Variants in CHP1 observed in about 807,000 individuals in gnomAD.
CHP1 encodes the protein calcineurin like EF-hand protein 1.
In CHP1, 11 loss-of-function variants were observed where a neutral mutation model predicts 27.4. The observed-to-expected ratio is 0.40, with a 90% CI of 0.25 to 0.67. The LOEUF (loss-of-function observed/expected upper bound fraction) is 0.67. CHP1 is among the 30% of genes least tolerant of loss of function. The pLI is 0.38. For missense variants in CHP1, 169 were observed against 251.3 expected, an observed-to-expected ratio of 0.67 and a Z score of 2.22; for synonymous variants, 89 against 87.4, an observed-to-expected ratio of 1.02 and a Z score of -0.10.
At chr15:41,270,000 A>G (rs1418461209) in intron 4 of CHP1, among the ~76,000 whole-genome samples, 1 of 152,134 alleles carries the variant, frequency 6.6e-6, no homozygotes, top group Non-Finnish European at 1.5e-5. Flanking sequence ...AGAAGGCTTA[A>G]AGAGAAAGAA....
At chr15:41,246,798 G>A (rs562240302) in intron 2 of CHP1, among the ~76,000 whole-genome samples, 3 of 150,806 alleles carry the variant, frequency 2.0e-5, no homozygotes, top group Admixed American at 1.3e-4. Context: ...CCAGCTACTC[G>A]AGAGGCTGAG....
At chr15:41,259,663 T>C (rs16971721) in intron 3 of CHP1, among the ~76,000 whole-genome samples, 3,052 of 152,278 alleles carry the variant, frequency 0.02, 101 homozygotes, top group African/African-American at 0.07. Flanking sequence ...TACTCCACAT[T>C]ACTTGATTCC....
intron 1 of CHP1, among the ~76,000 whole-genome samples, chr15:41,231,884 T>G (rs2140917764): frequency 6.6e-6 from 1 of 152,130 alleles, no homozygotes; most frequent in East Asian, 1.9e-4. Context: ...CTCTGACAAC[T>G]ATGGGAAATT....
At chr15:41,243,577 C>A in intron 1 of CHP1, 90 bp from the exon 2 acceptor site, 1 of 960,650 alleles carries the variant, frequency 1.0e-6, no homozygotes, top group Non-Finnish European at 1.6e-6. Flanking sequence ...CCCAGTCCTA[C>A]TGAATTTTGA....
At chr15:41,243,548 GAGATAAGAGT>G in intron 1 of CHP1, 109 bp from the exon 2 acceptor site, 1 of 660,802 alleles carries the variant, frequency 1.5e-6, no homozygotes, top group Admixed American at 2.8e-5. Context: ...TAACATTCTA[GAGATAAGAGT>G]TTCGACATCC....
At chr15:41,279,126 G>A (rs183841445) in intron 6 of CHP1, among the ~76,000 whole-genome samples, 64 of 151,304 alleles carry the variant, frequency 4.2e-4, no homozygotes, top group Admixed American at 3.6e-3. Context: ...CAGGAGAATC[G>A]CTTGAACCCA....
Position 41,262,831 on chromosome 15 carries a change from C to T in CHP1, c.297C>T (p.Ser99=), listed in dbSNP as rs141345701. Residue 99 remains serine, a synonymous_variant, in exon 4 of 7, where the codon AGC becomes AGT. Coordinates refer to ENST00000334660, the MANE Select transcript of CHP1 (RefSeq NM_007236.5). ...HFRPIEDNEK[S]KDVNGPEPLN... ...GCCCCATTGAGGATAATGAAAAGAG[C>T]AAAGATGTGAATGGACCCGAACCAC... 3.3e-5 allele frequency: 53 copies of T among 1,613,902 alleles called. No homozygotes were observed. The African/African-American group carries it at 6.7e-4, about 20-fold the overall frequency.
chr15:41,276,069 C>T (rs769829092), intron 5 of CHP1, among the ~76,000 whole-genome samples: 52 of 152,058 alleles, frequency 3.4e-4, no homozygotes, highest in Middle Eastern at 3.4e-3. Flanking sequence ...GGCAAAATCC[C>T]GTCTCTACTA....
chr15:41,258,125 CATACACATACATACATGTATGTAT>C (rs2047411830), intron 3 of CHP1, among the ~76,000 whole-genome samples: 1 of 152,028 alleles, frequency 6.6e-6, no homozygotes, highest in Non-Finnish European at 1.5e-5. Context: ...TACGTACATA[CATACACATACATACATGTATGTAT>C]ATACACATAC....
At chr15:41,263,501 A>G (rs1160626498) in intron 4 of CHP1, among the ~76,000 whole-genome samples, 1 of 152,150 alleles carries the variant, frequency 6.6e-6, no homozygotes. Context: ...ATATTGCCCA[A>G]TCCCTTACAA....
At chr15:41,270,724 G>T in intron 5 of CHP1, 106 bp downstream of exon 5, 1 of 870,056 alleles carries the variant, frequency 1.1e-6, no homozygotes. Flanking sequence ...TACCTGCTAT[G>T]TGCAGAGTCC....
At chr15:41,243,926 C>T (rs1013180485) in intron 2 of CHP1, among the ~76,000 whole-genome samples, 187 bp downstream of exon 2, 2 of 152,126 alleles carry the variant, frequency 1.3e-5, no homozygotes, top group Non-Finnish European at 2.9e-5. Context: ...ACAGGCTGGG[C>T]GCGGTGGCTC....
intron 2 of CHP1, among the ~76,000 whole-genome samples, chr15:41,250,703 G>A (rs1271673826): frequency 6.7e-6 from 1 of 149,816 alleles, no homozygotes; most frequent in East Asian, 1.9e-4. Context: ...CCAGCTAAAG[G>A]GCCCATTTTT....
intron 2 of CHP1, among the ~76,000 whole-genome samples, chr15:41,243,972 G>A (rs1326574096): frequency 6.6e-6 from 1 of 152,122 alleles, no homozygotes; most frequent in Non-Finnish European, 1.5e-5. Context: ...GGTCAAGGCG[G>A]GCGGATCATG....
intron 5 of CHP1, 118 bp from the exon 6 acceptor site, chr15:41,278,649 T>C: frequency 1.7e-6 from 2 of 1,209,918 alleles, no homozygotes; most frequent in Non-Finnish European, 2.4e-6. Flanking sequence ...ATGCAGTGCA[T>C]GACTGTATTT....
At position 41,270,600 on chromosome 15, in the gene CHP1, C is replaced by T. The variant is rs1371512467; in HGVS notation, c.393C>T (p.Ser131=). 2 of 1,613,734 alleles carry T rather than the reference C, an allele frequency of 1.2e-6. No homozygotes were observed. The highest frequency in any genetic ancestry group is 1.7e-6 in the Non-Finnish European group (2 of 1,179,768). ...ATTTGGATAAAGATGAAAAGATCTC[C>T]CGTGATGAGCTGTTACAGGTATGTG... is the stretch of plus-strand genomic sequence containing the variant. ...LYDLDKDEKI[S]RDELLQVLRM... Residue 131 remains serine, a synonymous_variant, in exon 5 of 7, where the codon TCC becomes TCT. Coordinates refer to ENST00000334660, the MANE Select transcript of CHP1 (RefSeq NM_007236.5).
chr15:41,243,920 G>T (rs1385027068), intron 2 of CHP1, among the ~76,000 whole-genome samples, 181 bp downstream of exon 2: 1 of 152,146 alleles, frequency 6.6e-6, no homozygotes, highest in Non-Finnish European at 1.5e-5. Flanking sequence ...AGCAGAACAG[G>T]CTGGGCGCGG....
chr15:41,237,186 G>A (rs546476207), intron 1 of CHP1, among the ~76,000 whole-genome samples: 32 of 142,542 alleles, frequency 2.2e-4, no homozygotes, highest in African/African-American at 8.2e-4. Flanking sequence ...CACTTTTGTC[G>A]CCCAGGCTGG....
At chr15:41,272,837 A>C (rs1256096032) in intron 5 of CHP1, among the ~76,000 whole-genome samples, 1 of 151,984 alleles carries the variant, frequency 6.6e-6, no homozygotes, top group Non-Finnish European at 1.5e-5. Context: ...TCCCGAGGTC[A>C]GGAGATCGAG....
Sources: gnomAD v4.1 joint callset for allele counts (sites outside exome capture counted in the v4.1 genomes callset) on GRCh38, gnomAD v4.1.1 for gene constraint, MANE v1.5 for transcripts, NCBI Gene and HGNC (gene_info 2026-07-23, HGNC 2026-07-21) for gene names.